CHM: variants seen among roughly 807,000 people sequenced by gnomAD.
The protein encoded by CHM is CHM Rab escort protein, also known as rab proteins geranylgeranyltransferase component A 1.
A neutral mutation model predicts 49.0 loss-of-function variants in CHM; 10 were observed. The observed-to-expected ratio is 0.20, with a 90% CI of 0.13 to 0.35. The LOEUF is 0.35. CHM is among the 10% of genes least tolerant of loss of function. The pLI, the probability that CHM is intolerant of heterozygous loss-of-function variation, is 1.00. For missense variants in CHM, 455 were observed against 478.4 expected, an observed-to-expected ratio of 0.95 and a Z score of 0.46; for synonymous variants, 184 against 167.5, an observed-to-expected ratio of 1.10 and a Z score of -0.76.
At chrX:85,890,183 G>A (rs186507634) in intron 12 of CHM, among the ~76,000 whole-genome samples, 16 of 111,737 alleles carry the variant, frequency 1.4e-4, no homozygotes, top group Non-Finnish European at 1.9e-4. Flanking sequence ...CATATACTCC[G>A]TGAATCTAAA....
intron 1 of CHM, among the ~76,000 whole-genome samples, chrX:86,046,053 C>T (rs1365908415): frequency 2.7e-5 from 3 of 112,300 alleles, no homozygotes; most frequent in African/African-American, 9.7e-5. Flanking sequence ...AGAACTGTTA[C>T]CCAGGCATTT....
chrX:85,951,559 C>T (rs1011955525), intron 8 of CHM, among the ~76,000 whole-genome samples: 3 of 111,363 alleles, frequency 2.7e-5, no homozygotes, highest in Admixed American at 1.9e-4. Flanking sequence ...ACACATATAA[C>T]TGAAAAAAGA....
intron 8 of CHM, among the ~76,000 whole-genome samples, chrX:85,935,343 G>C (rs899028003): frequency 9.0e-6 from 1 of 111,330 alleles, no homozygotes; most frequent in Non-Finnish European, 1.9e-5. Flanking sequence ...CAACACTGGG[G>C]GATCAAATTT....
rs12012388 is a variant in CHM at position 85,965,775 on chromosome X, T to C, written c.315-1723A>G. Among the ~76,000 whole-genome samples the C allele has an allele frequency of 0.04, 4,411 of 111,598 alleles. 220 individuals are homozygous for C. Among genetic ancestry groups the C allele is most frequent in the African/African-American group, 0.14 (4,164 of 30,637 alleles). ...AAATAAAATGCCATATTTACTGTTA[T>C]AGTAATTCTAATAAAATCTAGTGAA... On this transcript the variant is annotated intron_variant, in intron 4 of 14. Coordinates refer to ENST00000357749, the MANE Select transcript of CHM (RefSeq NM_000390.4).
rs559466117 is a variant in CHM at position 85,984,346 on chromosome X, T to G, written c.117-2537A>C. ...ACACTTCACAAAAGAACATGGTTAA[T>G]GAGCACATGAAAAAGTACGCAATAT... On this transcript the variant is annotated intron_variant, in intron 2 of 14. Coordinates refer to ENST00000357749, the MANE Select transcript of CHM (RefSeq NM_000390.4). Among the ~76,000 whole-genome samples, 38 of 112,141 alleles carry G rather than the reference T, an allele frequency of 3.4e-4. No individual in the cohort carries two copies. In the Middle Eastern group the frequency reaches 0.014, roughly 41 times the overall value.
At chrX:85,881,993 G>T (rs1298787459) in intron 12 of CHM, among the ~76,000 whole-genome samples, 1 of 111,260 alleles carries the variant, frequency 9.0e-6, no homozygotes, top group East Asian at 2.8e-4. Context: ...TGGGTGATGG[G>T]TATCAAATAT....
chrX:86,014,167 G>A (rs993600022), intron 2 of CHM, among the ~76,000 whole-genome samples: 1 of 111,910 alleles, frequency 8.9e-6, no homozygotes, highest in Non-Finnish European at 1.9e-5. Context: ...GGAAAGAGAT[G>A]TTATGAGGAA....
chrX:85,895,313 T>G (rs1334398455), intron 11 of CHM, among the ~76,000 whole-genome samples: 1 of 108,170 alleles, frequency 9.2e-6, no homozygotes, highest in Admixed American at 9.9e-5. Flanking sequence ...TTTTTTTTTT[T>G]TTGTATTTTT....
intron 11 of CHM, among the ~76,000 whole-genome samples, chrX:85,896,851 T>C (rs1372951416): frequency 3.0e-5 from 3 of 100,322 alleles, no homozygotes; most frequent in African/African-American, 1.1e-4. Flanking sequence ...ATATAATACG[T>C]ATTATATATA....
At position 85,930,624 on chromosome X, in the gene CHM, T is replaced by C. The variant is rs1164320822; in HGVS notation, c.1167-19286A>G. Among the ~76,000 whole-genome samples the C allele has an allele frequency of 5.4e-5, 6 of 111,856 alleles. No homozygotes were observed. The East Asian group carries it at 1.4e-3, about 26-fold the overall frequency. On this transcript the variant is annotated intron_variant, in intron 8 of 14. Coordinates refer to ENST00000357749, the MANE Select transcript of CHM (RefSeq NM_000390.4). ...CATTCTAGGGAAAAATGCCTCAACT[T>C]TGATGGATGGGCCTCTGAAATCCAC...
At position 85,956,353 on chromosome X, in the gene CHM, T is replaced by C. The variant is rs756832115; in HGVS notation, c.966A>G (p.Glu322=). ...GGGTTAATTTTTGAGTCTTTAAATA[T>C]TCATAAAATGTGATCTCTTCATATC... is the stretch of plus-strand genomic sequence containing the variant. ...YKGYEEITFY[E]YLKTQKLTPN... The change falls in exon 8 of 15, where the codon GAA becomes GAG. Residue 322 remains glutamate, a synonymous_variant. Coordinates refer to ENST00000357749, the MANE Select transcript of CHM (RefSeq NM_000390.4). 8.3e-7 allele frequency: 1 copy of C among 1,210,459 alleles called. No individual in the cohort carries two copies.
At chrX:86,006,274 G>C (rs1889387389) in intron 2 of CHM, among the ~76,000 whole-genome samples, 1 of 111,174 alleles carries the variant, frequency 9.0e-6, no homozygotes, top group African/African-American at 3.3e-5. Flanking sequence ...AAAATAATAA[G>C]AGCTATTTAT....
chrX:86,038,496 CG>C (rs754026707), intron 1 of CHM, among the ~76,000 whole-genome samples: 9 of 111,953 alleles, frequency 8.0e-5, no homozygotes, highest in Non-Finnish European at 1.7e-4. Context: ...GTGCCCCTAC[CG>C]CCTGGGGCAC....
chrX:85,929,247 C>T (rs936923630), intron 8 of CHM, among the ~76,000 whole-genome samples: 1 of 111,758 alleles, frequency 8.9e-6, no homozygotes, highest in Admixed American at 9.5e-5. Flanking sequence ...CTGACACTCA[C>T]AGTTCCTTCT....
intron 2 of CHM, among the ~76,000 whole-genome samples, chrX:86,001,909 C>T (rs1467584376): frequency 9.0e-6 from 1 of 110,894 alleles, no homozygotes; most frequent in African/African-American, 3.3e-5. Context: ...AAACTGCATG[C>T]AATTAAGCCA....
chrX:85,986,416 C>T (rs1931915891), intron 2 of CHM, among the ~76,000 whole-genome samples: 1 of 111,847 alleles, frequency 8.9e-6, no homozygotes, highest in South Asian at 3.8e-4. Flanking sequence ...GGAACCCACA[C>T]TTTCAGAGCA....
At chrX:85,906,394 T>C (rs1457302881) in intron 9 of CHM, among the ~76,000 whole-genome samples, 3 of 112,235 alleles carry the variant, frequency 2.7e-5, no homozygotes, top group Non-Finnish European at 5.6e-5. Context: ...TTAGCTAACA[T>C]AGCTAGCACT....
chrX:85,907,883 T>A (rs1291756329), intron 9 of CHM, among the ~76,000 whole-genome samples: 1 of 111,903 alleles, frequency 8.9e-6, no homozygotes, highest in African/African-American at 3.2e-5. Context: ...GTTCTGGAGA[T>A]ACAACAGTGA....
At chrX:86,013,969 T>C (rs1476952850) in intron 2 of CHM, among the ~76,000 whole-genome samples, 2 of 111,936 alleles carry the variant, frequency 1.8e-5, no homozygotes, top group Non-Finnish European at 3.8e-5. Flanking sequence ...ACAGCCTCTG[T>C]TGCAGTTACT....
Sources: allele counts gnomAD v4.1 joint callset (sites outside exome capture counted in the v4.1 genomes callset), GRCh38; gene constraint gnomAD v4.1.1; transcripts MANE v1.5; gene names NCBI Gene and HGNC (gene_info 2026-07-23, HGNC 2026-07-21).